ALDH6A1: variants seen among roughly 807,000 people sequenced by gnomAD.
The protein encoded by ALDH6A1 is aldehyde dehydrogenase 6 family member A1, also known as methylmalonate-semialdehyde/malonate-semialdehyde dehydrogenase [acylating], mitochondrial.
A neutral mutation model predicts 62.6 loss-of-function variants in ALDH6A1; 43 were observed. The observed-to-expected ratio is 0.69, with a 90% CI of 0.54 to 0.89. The LOEUF is 0.89. Among genes scored for constraint, ALDH6A1 ranks in the 40% least tolerant of loss-of-function variants. The probability of loss-of-function intolerance (pLI) is 0.00; values close to 1 mark genes in which losing one functional copy is unlikely to be tolerated. For synonymous variants in ALDH6A1, 194 were observed against 234.2 expected, an observed-to-expected ratio of 0.83 and a Z score of 1.57; for missense variants, 551 against 661.3, an observed-to-expected ratio of 0.83 and a Z score of 1.83.
chr14:74,063,698 T>A (rs896034816), intron 11 of ALDH6A1, among the ~76,000 whole-genome samples: 1 of 150,826 alleles, frequency 6.6e-6, no homozygotes, highest in Non-Finnish European at 1.5e-5. Flanking sequence ...AAACCCTATC[T>A]CCACTAAAAA....
chr14:74,066,053 A>G (rs1045477023), intron 9 of ALDH6A1: 1 of 154,968 alleles, frequency 6.5e-6, no homozygotes, highest in Admixed American at 6.3e-5. Context: ...GTTAGCTGAG[A>G]GACTTTCAAA....
At chr14:74,076,079 C>G (rs1042835399) in intron 1 of ALDH6A1, among the ~76,000 whole-genome samples, 7 of 152,080 alleles carry the variant, frequency 4.6e-5, no homozygotes, top group Admixed American at 2.6e-4. Flanking sequence ...ACGAGGGAAA[C>G]TTTTTGGGGT....
chr14:74,074,412 G>C (rs554321827), intron 2 of ALDH6A1, among the ~76,000 whole-genome samples: 269 of 151,700 alleles, frequency 1.8e-3, no homozygotes, highest in African/African-American at 6.1e-3. Context: ...TCAGCCCGCA[G>C]AGTAGCTGGG....
chr14:74,075,093 T>TAGTA, intron 1 of ALDH6A1, 76 bp from the exon 2 acceptor site: 5 of 1,284,600 alleles, frequency 3.9e-6, no homozygotes, highest in Non-Finnish European at 5.6e-6. Flanking sequence ...AGCTACTATA[T>TAGTA]GCTATTTGCT....
At chr14:74,083,245 C>G (rs2060688073) in intron 1 of ALDH6A1, among the ~76,000 whole-genome samples, 1 of 152,210 alleles carries the variant, frequency 6.6e-6, no homozygotes, top group Non-Finnish European at 1.5e-5. Flanking sequence ...TACCTAAAAG[C>G]TCAGCAATAT....
At position 74,071,100 on chromosome 14, in the gene ALDH6A1, C is replaced by T. The variant is rs971900432; in HGVS notation, c.730+95G>A. On this transcript the variant is annotated intron_variant, in intron 6 of 11. Transcript: ENST00000553458. ...AAATGAGTAAATCCTTTCCTCCTTA[C>T]AAGTAGGTTCCTTATCCTAAAACAT... 4.2e-6 allele frequency: 5 copies of T among 1,199,626 alleles called. No homozygotes were observed. In the African/African-American group the frequency reaches 6.0e-5, roughly 14 times the overall value. The allele number at this position is 1,199,626 out of a possible 1,614,324, so 74.3% of individuals were successfully genotyped here.
At chr14:74,062,914 C>A (rs1393290776) in intron 11 of ALDH6A1, among the ~76,000 whole-genome samples, 1 of 152,104 alleles carries the variant, frequency 6.6e-6, no homozygotes, top group Non-Finnish European at 1.5e-5. Context: ...AAGAACTTCC[C>A]CTAGCCTATT....
At chr14:74,065,444 C>T (rs181168413) in intron 9 of ALDH6A1, 84 bp from the exon 10 acceptor site, 372 of 1,240,040 alleles carry the variant, frequency 3.0e-4, no homozygotes, top group Non-Finnish European at 3.8e-4. Context: ...TCACTTACTA[C>T]ACATCATTTA....
intron 11 of ALDH6A1, among the ~76,000 whole-genome samples, chr14:74,064,283 G>A (rs1028004517): frequency 3.5e-5 from 5 of 142,416 alleles, no homozygotes; most frequent in African/African-American, 8.1e-5. Context: ...GGGCAACAGA[G>A]CGAGACTGTG....
Position 74,071,383 on chromosome 14 carries a change from C to A in ALDH6A1, c.542G>T (p.Gly181Val). 6.2e-7 allele frequency: 1 copy of A among 1,614,070 alleles called. No individual in the cohort carries two copies. The highest frequency in any genetic ancestry group is 8.5e-7 in the Non-Finnish European group (1 of 1,180,022). Residue 181 changes from glycine (G) to valine (V), a missense_variant, in exon 6 of 12, where the codon GGC becomes GTC. Physicochemically the swap from Gly to Val is moderately radical, Grantham distance 109 (BLOSUM62 -3). Transcript: ENST00000553458. ...SYRLPLGVCA[G>V]IAPFNFPAMI... ...GGCAGGAAAATTGAATGGAGCAATG[C>A]CTGCACACACTCCCAGAGGCAGACG...
At position 74,057,495 on chromosome 14, in the gene ALDH6A1, C is replaced by T. The variant is rs116716441; in HGVS notation, c.*3147G>A. 2,034 of 1,397,862 alleles carry T rather than the reference C, an allele frequency of 1.5e-3. 27 individuals are homozygous for T. In the African/African-American group the frequency reaches 0.026, roughly 18 times the overall value. The allele number at this position is 1,397,862 out of a possible 1,614,324, so 86.6% of individuals were successfully genotyped here. ...TTTTTGTGTAGAAACCTATAGGTTG[C>T]CTTTTGAAGTAAACAGCCTAGCCAA... On this transcript the variant is annotated 3_prime_UTR_variant, in exon 12 of 12. Transcript: ENST00000553458.
chr14:74,071,386 G>A lies in ALDH6A1; in HGVS notation c.539C>T (p.Ala180Val). Residue 180 changes from alanine to valine, a missense_variant, in exon 6 of 12, where the codon GCA (alanine) becomes GTA (valine). Ala to Val is a moderately conservative substitution (Grantham distance 64). Transcript: ENST00000553458. ...AGGAAAATTGAATGGAGCAATGCCT[G>A]CACACACTCCCAGAGGCAGACGGTA... ...YSYRLPLGVC[A>V]GIAPFNFPAM... 2 of 1,614,128 alleles carry A rather than the reference G, an allele frequency of 1.2e-6. No homozygotes were observed. Among genetic ancestry groups the A allele is most frequent in the Non-Finnish European group, 8.5e-7 (1 of 1,180,028 alleles).
chr14:74,079,311 A>C (rs1162596600), intron 1 of ALDH6A1, among the ~76,000 whole-genome samples: 4 of 151,576 alleles, frequency 2.6e-5, no homozygotes, highest in African/African-American at 9.7e-5. Flanking sequence ...CAATGGCGCA[A>C]TCTCGGCTCA....
At position 74,067,428 on chromosome 14, in the gene ALDH6A1, ACTT is replaced by A; in HGVS notation, c.991_993del (p.Lys331del). On this transcript the variant is annotated inframe_deletion, in exon 8 of 12. Transcript: ENST00000553458. The stretch of plus-strand genomic sequence containing the variant: ...GCATGCTCCACCAGCTCTGGCAGCC[ACTT>A]CTTGGCTTCTCCCACAAGGACTGCT... 1 of 1,614,072 alleles carries A rather than the reference ACTT, an allele frequency of 6.2e-7. No individual in the cohort carries two copies.
chr14:74,067,003 C>T, intron 8 of ALDH6A1, 117 bp from the exon 9 acceptor site: 2 of 974,198 alleles, frequency 2.1e-6, no homozygotes, highest in Non-Finnish European at 3.2e-6. Flanking sequence ...ACTGCTTGAG[C>T]CCAGGAGTTC....
intron 3 of ALDH6A1, 76 bp downstream of exon 3, chr14:74,072,461 C>A: frequency 6.2e-7 from 1 of 1,612,964 alleles, no homozygotes; most frequent in Admixed American, 1.7e-5. Flanking sequence ...ACAACAGACA[C>A]CCAGGTCCCT....
Position 74,057,603 on chromosome 14 carries a change from A to T in ALDH6A1, c.*3039T>A. The T allele has an allele frequency of 7.5e-7, 1 of 1,335,078 alleles. No individual in the cohort carries two copies. Among genetic ancestry groups the T allele is most frequent in the Non-Finnish European group, 9.7e-7 (1 of 1,025,826 alleles). 82.7% of individuals were successfully genotyped at this position (1,335,078 alleles called of 1,614,324 possible). Reference sequence around the variant, plus strand: ...CCATCACAGGTGGGAAGTCAGAGTCATTACAACCTAGAGGACAAAGGCTTA... The same window carrying T: ...CCATCACAGGTGGGAAGTCAGAGTCTTTACAACCTAGAGGACAAAGGCTTA... On this transcript the variant is annotated 3_prime_UTR_variant, in exon 12 of 12. Coordinates refer to ENST00000553458, the MANE Select transcript of ALDH6A1 (RefSeq NM_005589.4).
intron 1 of ALDH6A1, among the ~76,000 whole-genome samples, chr14:74,080,708 G>T (rs1315574231): frequency 6.6e-6 from 1 of 152,136 alleles, no homozygotes; most frequent in East Asian, 1.9e-4. Flanking sequence ...CACCCAAAGT[G>T]TTGGGATTAC....
intron 11 of ALDH6A1, among the ~76,000 whole-genome samples, chr14:74,062,555 C>T (rs1052090480): frequency 6.6e-6 from 1 of 151,940 alleles, no homozygotes; most frequent in Non-Finnish European, 1.5e-5. Context: ...GAGCCAAGAT[C>T]ATGCCACTAT....
Sources: gnomAD v4.1 joint callset for allele counts (sites outside exome capture counted in the v4.1 genomes callset) on GRCh38, gnomAD v4.1.1 for gene constraint, MANE v1.5 for transcripts, NCBI Gene and HGNC (gene_info 2026-07-23, HGNC 2026-07-21) for gene names.